The following CLIC4 variants were observed in gnomAD, a reference collection of about 807,000 sequenced individuals.
CLIC4 encodes the protein CLIC family member 4.
In CLIC4, 13 loss-of-function variants were observed where a neutral mutation model predicts 24.6. The ratio of observed to expected loss-of-function variants is 0.53; its 90% confidence interval spans 0.34 to 0.84. CLIC4 has a LOEUF of 0.84. Among genes scored for constraint, CLIC4 ranks in the 40% least tolerant of loss-of-function variants. The pLI, the probability that CLIC4 is intolerant of heterozygous loss-of-function variation, is 0.01. For missense variants in CLIC4, 227 were observed against 301.7 expected, an observed-to-expected ratio of 0.75 and a Z score of 1.83; for synonymous variants, 104 against 111.3, an observed-to-expected ratio of 0.93 and a Z score of 0.41.
At chr1:24,837,167 A>G (rs1395446628) in intron 4 of CLIC4, among the ~76,000 whole-genome samples, 1 of 152,190 alleles carries the variant, frequency 6.6e-6, no homozygotes, top group Non-Finnish European at 1.5e-5. Context: ...AAAAAAATGG[A>G]TAAATCCTTG....
chr1:24,806,310 C>A (rs1192898819), intron 2 of CLIC4, among the ~76,000 whole-genome samples: 1 of 152,230 alleles, frequency 6.6e-6, no homozygotes, highest in African/African-American at 2.4e-5. Flanking sequence ...GTTGAAGAAT[C>A]TTAGATTCTG....
chr1:24,824,753 C>T (rs1367519301), intron 3 of CLIC4, among the ~76,000 whole-genome samples: 1 of 152,022 alleles, frequency 6.6e-6, no homozygotes, highest in Non-Finnish European at 1.5e-5. Context: ...AATCCCAGCA[C>T]TTTGGGAGGC....
chr1:24,794,684 CG>C (rs1347819023), intron 1 of CLIC4, among the ~76,000 whole-genome samples: 1 of 152,094 alleles, frequency 6.6e-6, no homozygotes, highest in African/African-American at 2.4e-5. Flanking sequence ...TTCTGCTGTG[CG>C]GAAACTCTTA....
chr1:24,755,047 G>A (rs1638828532), intron 1 of CLIC4, among the ~76,000 whole-genome samples: 1 of 149,402 alleles, frequency 6.7e-6, no homozygotes, highest in Non-Finnish European at 1.5e-5. Context: ...ACTCCAGCCT[G>A]GACGACAGAG....
chr1:24,754,307 C>A (rs1638815130), intron 1 of CLIC4, among the ~76,000 whole-genome samples: 1 of 152,146 alleles, frequency 6.6e-6, no homozygotes, highest in South Asian at 2.1e-4. Context: ...AAGAACCTGG[C>A]TGTCAGGAAA....
chr1:24,768,552 CTCTA>C (rs1176380500), intron 1 of CLIC4, among the ~76,000 whole-genome samples: 7 of 151,706 alleles, frequency 4.6e-5, no homozygotes, highest in African/African-American at 1.5e-4. Context: ...TTTTTCTAGA[CTCTA>C]TCTAAGATTA....
intron 3 of CLIC4, among the ~76,000 whole-genome samples, chr1:24,814,490 G>A (rs1161544046): frequency 6.6e-6 from 1 of 152,190 alleles, no homozygotes; most frequent in Admixed American, 6.5e-5. Flanking sequence ...CTGGTTATTT[G>A]TGGACTGTAG....
chr1:24,797,399 C>A (rs1253886008), intron 1 of CLIC4, among the ~76,000 whole-genome samples: 1 of 151,584 alleles, frequency 6.6e-6, no homozygotes, highest in East Asian at 2.0e-4. Flanking sequence ...CATGGTGAAA[C>A]CCTGTCTCTA....
At chr1:24,796,549 AC>A (rs1193724249) in intron 1 of CLIC4, among the ~76,000 whole-genome samples, 1 of 152,178 alleles carries the variant, frequency 6.6e-6, no homozygotes, top group African/African-American at 2.4e-5. Flanking sequence ...ACAGATACTT[AC>A]CATTATATTC....
chr1:24,794,447 A>G (rs1639375198), intron 1 of CLIC4, among the ~76,000 whole-genome samples: 3 of 150,606 alleles, frequency 2.0e-5, no homozygotes, highest in East Asian at 2.0e-4. Context: ...GATCAGTGAT[A>G]TTGAACTTTT....
chr1:24,840,053 G>C lies in CLIC4; in HGVS notation c.597+12G>C, dbSNP rs769684481. ...TGCATATTGTCAAGGTAGGTCTGTA[G>C]GGGTTGATGTCGCATTGCCATTACC... On this transcript the variant is annotated intron_variant, in intron 5 of 5. Transcript: ENST00000374379. 6.2e-7 allele frequency: 1 copy of C among 1,611,678 alleles called. No individual in the cohort carries two copies. Among genetic ancestry groups the C allele is most frequent in the Non-Finnish European group, 8.5e-7 (1 of 1,178,456 alleles).
At chr1:24,818,571 G>A (rs940134484) in intron 3 of CLIC4, among the ~76,000 whole-genome samples, 1 of 152,160 alleles carries the variant, frequency 6.6e-6, no homozygotes, top group African/African-American at 2.4e-5. Context: ...ACAGGTGTGA[G>A]CCACTGTACC....
intron 1 of CLIC4, among the ~76,000 whole-genome samples, chr1:24,768,231 C>T (rs1639026868): frequency 6.6e-6 from 1 of 152,160 alleles, no homozygotes; most frequent in South Asian, 2.1e-4. Flanking sequence ...CTTGTGGTGG[C>T]GTCCCAAAGT....
At chr1:24,787,931 C>A (rs1639288417) in intron 1 of CLIC4, among the ~76,000 whole-genome samples, 1 of 150,676 alleles carries the variant, frequency 6.6e-6, no homozygotes, top group Admixed American at 6.7e-5. Context: ...TCTTGGCTCA[C>A]TGCAACCTCC....
chr1:24,813,136 G>A (rs536297725), intron 2 of CLIC4, among the ~76,000 whole-genome samples: 15 of 149,956 alleles, frequency 1.0e-4, no homozygotes, highest in African/African-American at 2.5e-4. Flanking sequence ...CTCTGCTTCC[G>A]GGATTCAAGC....
chr1:24,774,877 C>T (rs1639114912), intron 1 of CLIC4, among the ~76,000 whole-genome samples: 1 of 152,098 alleles, frequency 6.6e-6, no homozygotes, highest in Non-Finnish European at 1.5e-5. Context: ...TCAAGACCAG[C>T]CTGGCCAACA....
chr1:24,817,642 C>G (rs1248210336), intron 3 of CLIC4, among the ~76,000 whole-genome samples: 1 of 152,220 alleles, frequency 6.6e-6, no homozygotes, highest in African/African-American at 2.4e-5. Flanking sequence ...AAATTTCCTT[C>G]AAGAACTTTT....
At chr1:24,770,095 A>T (rs749483318) in intron 1 of CLIC4, among the ~76,000 whole-genome samples, 1 of 152,094 alleles carries the variant, frequency 6.6e-6, no homozygotes, top group Non-Finnish European at 1.5e-5. Context: ...TCCTGGACTC[A>T]AGTTATCCTC....
chr1:24,838,918 TGAATCATGACAATCA>T lies in CLIC4; in HGVS notation c.416-939_416-925del, dbSNP rs1291366866. ...CATGACAATCAGAATCATGACAATC[TGAATCATGACAATCA>T]GAGCATCTTAATCTATTTGGTTAAA... On this transcript the variant is annotated intron_variant, in intron 4 of 5. Transcript: ENST00000374379. Among the ~76,000 whole-genome samples, 6 of 152,300 alleles carry T rather than the reference TGAATCATGACAATCA, an allele frequency of 3.9e-5. No homozygotes were observed. In the East Asian group the frequency reaches 1.2e-3, roughly 29 times the overall value.
Sources: gnomAD v4.1 joint callset for allele counts (sites outside exome capture counted in the v4.1 genomes callset) on GRCh38, gnomAD v4.1.1 for gene constraint, MANE v1.5 for transcripts, NCBI Gene and HGNC (gene_info 2026-07-23, HGNC 2026-07-21) for gene names.